Variants in ACO2 observed in about 807,000 individuals in gnomAD.
ACO2 encodes the protein aconitase 2.
A neutral mutation model predicts 84.5 loss-of-function variants in ACO2; 31 were observed. The ratio of observed to expected loss-of-function variants is 0.37; its 90% CI spans 0.28 to 0.50. ACO2 has a LOEUF of 0.50. Ranked by LOEUF, ACO2 falls within the 20% of genes least tolerant of loss-of-function variation. ACO2 has a pLI of 0.97. For missense variants in ACO2, 685 were observed against 1,029.3 expected (o/e 0.67, Z 4.58); for synonymous variants, 414 against 412.7 (o/e 1.00, Z -0.04).
intron 1 of ACO2, among the ~76,000 whole-genome samples, chr22:41,470,420 T>C (rs2037930672): frequency 6.6e-6 from 1 of 152,050 alleles, no homozygotes; most frequent in Admixed American, 6.6e-5. Flanking sequence ...ATTGCTTAAA[T>C]TGAAACCATA....
At position 41,522,977 on chromosome 22, in the gene ACO2, G is replaced by A. The variant is rs779185723; in HGVS notation, c.1286G>A (p.Arg429Gln). The A allele has an allele frequency of 2.2e-5, 35 of 1,614,060 alleles. No homozygotes were observed. The highest frequency in any genetic ancestry group is 2.7e-5 in the African/African-American group (2 of 74,932). ...GSEQIRATIE[R>Q]DGYAQILRDL... Reference sequence around the variant, plus strand: ...GAGCAGATCCGCGCCACCATTGAGCGGGACGGCTATGTGAGTGCCCATATC... The same window carrying A: ...GAGCAGATCCGCGCCACCATTGAGCAGGACGGCTATGTGAGTGCCCATATC... Residue 429 changes from arginine (R) to glutamine (Q), a missense_variant, in exon 10 of 18, where the codon CGG (arginine) becomes CAG (glutamine). Coordinates refer to ENST00000216254, the MANE Select transcript of ACO2 (RefSeq NM_001098.3).
intron 15 of ACO2, 110 bp downstream of exon 15, chr22:41,526,563 G>A (rs772343435): frequency 1.6e-6 from 2 of 1,255,122 alleles, no homozygotes; most frequent in East Asian, 2.5e-5. Context: ...GGCCGACCAA[G>A]CCCAAAGGGG....
At chr22:41,474,540 G>T (rs1425540101) in intron 1 of ACO2, among the ~76,000 whole-genome samples, 1 of 146,458 alleles carries the variant, frequency 6.8e-6, no homozygotes, top group Non-Finnish European at 1.5e-5. Flanking sequence ...TGATCCGCCC[G>T]CCTCTGCCTC....
rs369693870 is a variant in ACO2 at position 41,528,462 on chromosome 22, C to T, written c.2209-17C>T. On this transcript the variant is annotated splice_polypyrimidine_tract_variant and intron_variant, in intron 17 of 17. Coordinates refer to ENST00000216254, the MANE Select transcript of ACO2 (RefSeq NM_001098.3). Reference sequence around the variant, plus strand: ...CAGTACCCACCACTTCCACCCACACCCACCTTCTCCTTGCAGCCCCTGAAG... The same window carrying T: ...CAGTACCCACCACTTCCACCCACACTCACCTTCTCCTTGCAGCCCCTGAAG... The T allele has an allele frequency of 9.3e-6, 15 of 1,611,016 alleles. No individual in the cohort carries two copies. The highest frequency in any genetic ancestry group is 1.3e-5 in the Non-Finnish European group (15 of 1,179,550).
chr22:41,505,321 G>A (rs1024971521), intron 2 of ACO2, among the ~76,000 whole-genome samples: 9 of 152,074 alleles, frequency 5.9e-5, no homozygotes, highest in African/African-American at 2.2e-4. Flanking sequence ...AGAGGCTGAG[G>A]TGGGAGGATC....
chr22:41,476,101 GT>G (rs1324229621), intron 1 of ACO2, among the ~76,000 whole-genome samples: 2 of 151,882 alleles, frequency 1.3e-5, no homozygotes, highest in Non-Finnish European at 2.9e-5. Flanking sequence ...TTTTGACTCT[GT>G]TTGATGTGTT....
chr22:41,480,173 C>A (rs980557214), intron 1 of ACO2, among the ~76,000 whole-genome samples: 33 of 152,154 alleles, frequency 2.2e-4, no homozygotes, highest in African/African-American at 7.2e-4. Context: ...GATGCTTCTC[C>A]TTAGGAGGGT....
intron 4 of ACO2, among the ~76,000 whole-genome samples, chr22:41,514,954 C>A (rs2066463766): frequency 6.6e-6 from 1 of 152,198 alleles, no homozygotes; most frequent in Non-Finnish European, 1.5e-5. Flanking sequence ...GGAGCCAGCT[C>A]CTGGAAGAAC....
chr22:41,504,779 A>G (rs1268070257), intron 2 of ACO2, among the ~76,000 whole-genome samples: 1 of 129,342 alleles, frequency 7.7e-6, no homozygotes, highest in African/African-American at 3.0e-5. Flanking sequence ...GCTGGAGTGC[A>G]GTGGTTCGAT....
chr22:41,471,619 G>A (rs929725963), intron 1 of ACO2, among the ~76,000 whole-genome samples: 3 of 152,182 alleles, frequency 2.0e-5, no homozygotes, highest in South Asian at 4.1e-4. Flanking sequence ...TGACTGCAGA[G>A]GGCCTTGGAG....
At chr22:41,488,702 C>T (rs1390788487) in intron 1 of ACO2, among the ~76,000 whole-genome samples, 1 of 152,172 alleles carries the variant, frequency 6.6e-6, no homozygotes, top group African/African-American at 2.4e-5. Context: ...GCCAGAAGGG[C>T]CTGGGTTCTG....
chr22:41,469,933 C>G (rs547941399), intron 1 of ACO2, among the ~76,000 whole-genome samples: 2 of 152,290 alleles, frequency 1.3e-5, no homozygotes, highest in East Asian at 1.9e-4. Context: ...CCTACCACCA[C>G]TCAGTTCTTG....
chr22:41,497,999 C>T (rs2066327465), intron 1 of ACO2, among the ~76,000 whole-genome samples: 1 of 152,004 alleles, frequency 6.6e-6, no homozygotes, highest in African/African-American at 2.4e-5. Flanking sequence ...CAAAAATTAG[C>T]TGGGCATGGT....
At chr22:41,523,746 C>A in intron 11 of ACO2, 84 bp from the exon 12 acceptor site, 1 of 1,289,862 alleles carries the variant, frequency 7.8e-7, no homozygotes, top group Non-Finnish European at 1.1e-6. Context: ...TGGGCTGCGC[C>A]ACAGGAACCC....
intron 1 of ACO2, among the ~76,000 whole-genome samples, chr22:41,471,890 C>G (rs1471057142): frequency 6.6e-6 from 1 of 152,124 alleles, no homozygotes; most frequent in Non-Finnish European, 1.5e-5. Context: ...ATTTGAATAC[C>G]GTAATGACTC....
chr22:41,507,767 AC>A, intron 2 of ACO2, 23 bp from the exon 3 acceptor site: 1 of 1,602,266 alleles, frequency 6.2e-7, no homozygotes, highest in African/African-American at 1.3e-5. Context: ...GCACCAGGCC[AC>A]CCTTCTGCTC....
At chr22:41,506,917 G>GCAGCCGGGAGT (rs1005351569) in intron 2 of ACO2, among the ~76,000 whole-genome samples, 1 of 151,992 alleles carries the variant, frequency 6.6e-6, no homozygotes, top group Non-Finnish European at 1.5e-5. Flanking sequence ...TTGTGTGGGT[G>GCAGCCGGGAGT]CAGCCGGGAG....
At position 41,525,380 on chromosome 22, in the gene ACO2, A is replaced by C; in HGVS notation, c.1761+32A>C. The C allele has an allele frequency of 1.2e-6, 2 of 1,608,462 alleles. 1 individual carries two copies. Among genetic ancestry groups the C allele is most frequent in the Middle Eastern group, 3.9e-4 (2 of 5,166 alleles). On this transcript the variant is annotated intron_variant, in intron 14 of 17. Coordinates refer to ENST00000216254, the MANE Select transcript of ACO2 (RefSeq NM_001098.3). ...AGCATGGGGACGGCAGGACAGCCCC[A>C]CCCTGCCAGGGCCCCCCGTCCCCTG...
chr22:41,527,269 A>C lies in ACO2; in HGVS notation c.1954-19A>C, dbSNP rs1601936357. On this transcript the variant is annotated intron_variant, in intron 15 of 17. Transcript: ENST00000216254. ...GTGCCCTCCTCTGCCTTATAACCTT[A>C]CCCCCGCTTGCCTGACAGAAACATG... is the stretch of plus-strand genomic sequence containing the variant. 5.0e-6 allele frequency: 8 copies of C among 1,613,184 alleles called. No individual in the cohort carries two copies. Among genetic ancestry groups the C allele is most frequent in the Non-Finnish European group, 6.8e-6 (8 of 1,179,790 alleles).
Sources: allele counts gnomAD v4.1 joint callset (sites outside exome capture counted in the v4.1 genomes callset), GRCh38; gene constraint gnomAD v4.1.1; transcripts MANE v1.5; gene names NCBI Gene and HGNC (gene_info 2026-07-23, HGNC 2026-07-21).